Variants in CLOCK observed in about 807,000 individuals in gnomAD.
CLOCK encodes the protein clock circadian regulator, also known as circadian locomoter output cycles protein kaput.
A neutral mutation model predicts 118.4 loss-of-function variants in CLOCK; 43 were observed. The ratio of observed to expected loss-of-function variants is 0.36; its 90% CI spans 0.28 to 0.47. CLOCK has a LOEUF of 0.47. Ranked by LOEUF, CLOCK falls within the 20% of genes least tolerant of loss-of-function variation. The probability of loss-of-function intolerance (pLI) is 1.00; values close to 1 mark genes in which losing one functional copy is unlikely to be tolerated. For missense variants in CLOCK, 846 were observed against 999.9 expected (o/e 0.85, Z 2.08); for synonymous variants, 326 against 339.2 (o/e 0.96, Z 0.43).
At chr4:55,502,151 A>T (rs919959786) in intron 2 of CLOCK, among the ~76,000 whole-genome samples, 24 of 152,206 alleles carry the variant, frequency 1.6e-4, no homozygotes, top group African/African-American at 5.8e-4. Context: ...CTCCAAATTG[A>T]TTTATAAATT....
intron 2 of CLOCK, among the ~76,000 whole-genome samples, chr4:55,508,644 G>C (rs1253317600): frequency 6.6e-6 from 1 of 151,098 alleles, no homozygotes; most frequent in African/African-American, 2.4e-5. Context: ...CCAAGCTGGA[G>C]TGCAGTGGCA....
intron 2 of CLOCK, among the ~76,000 whole-genome samples, chr4:55,499,749 G>A (rs1018489474): frequency 6.6e-6 from 1 of 152,200 alleles, no homozygotes; most frequent in Non-Finnish European, 1.5e-5. Context: ...TCTGGGATTT[G>A]AGCAGTGGTT....
At position 55,463,722 on chromosome 4, in the gene CLOCK, C is replaced by A. The variant is rs1481787301; in HGVS notation, c.522G>T (p.Leu174=). 14 of 1,613,006 alleles carry A rather than the reference C, an allele frequency of 8.7e-6. No homozygotes were observed. The highest frequency in any genetic ancestry group is 1.2e-5 in the Non-Finnish European group (14 of 1,179,296). Residue 174 remains leucine, a synonymous_variant, in exon 9 of 23, where the codon CTG becomes CTT. Coordinates refer to ENST00000513440, the MANE Select transcript of CLOCK (RefSeq NM_004898.4). The stretch of plus-strand genomic sequence containing the variant: ...CTGGGGTTAATGAATCACTTTCCAG[C>A]AGATGAGTAGAGAGTATTTTATAAA... The part of the protein sequence containing the change: ...SEVYKILSTH[L]LESDSLTPEY...
chr4:55,450,795 T>C (rs1724372191), intron 15 of CLOCK, among the ~76,000 whole-genome samples: 1 of 150,758 alleles, frequency 6.6e-6, no homozygotes, highest in African/African-American at 2.4e-5. Flanking sequence ...TAACTCAAAA[T>C]GAATCACAGA....
At chr4:55,487,518 T>C (rs1445416864) in intron 3 of CLOCK, among the ~76,000 whole-genome samples, 4 of 152,182 alleles carry the variant, frequency 2.6e-5, no homozygotes, top group African/African-American at 9.7e-5. Context: ...CCTGGGTTCT[T>C]AACCCTTCTA....
In CLOCK at chr4:55,444,780, C is replaced by T; in HGVS notation, c.1545G>A (p.Gln515=). 6.2e-7 allele frequency: 1 copy of T among 1,613,940 alleles called. No individual in the cohort carries two copies. The highest frequency in any genetic ancestry group is 1.1e-5 in the South Asian group (1 of 91,082). ...LPIPQGMSQF[Q]FSAQLGAMQH... ...GCATGGCTCCTAATTGAGCTGAAAA[C>T]TGAAACTGAAGTACCATGTACGGAA... The change falls in exon 19 of 23, where the codon CAG becomes CAA. Residue 515 remains glutamine (Q), a synonymous_variant. Transcript: ENST00000513440.
At chr4:55,496,282 CTG>C (rs1728079940) in intron 2 of CLOCK, among the ~76,000 whole-genome samples, 1 of 74,672 alleles carries the variant, frequency 1.3e-5, no homozygotes, top group Non-Finnish European at 3.1e-5. Context: ...AAAAAAAAAA[CTG>C]TGCCAGCTCA....
At chr4:55,450,939 T>C (rs564741568) in intron 15 of CLOCK, among the ~76,000 whole-genome samples, 2 of 152,150 alleles carry the variant, frequency 1.3e-5, no homozygotes, top group Admixed American at 6.5e-5. Context: ...TAGAGTTTCA[T>C]AGTTTCATAC....
rs1410289930 is a variant in CLOCK at position 55,498,993 on chromosome 4, G to A, written c.-135-9528C>T. Among the ~76,000 whole-genome samples the A allele has an allele frequency of 2.0e-5, 3 of 152,114 alleles. No individual in the cohort carries two copies. In the South Asian group the frequency reaches 6.2e-4, roughly 32 times the overall value. ...GTTACTGAGCCCATGCAGTACATCTGTATTTCATATATTGTATTTTTCAGC... is the reference window on the plus strand; with the variant it reads ...GTTACTGAGCCCATGCAGTACATCTATATTTCATATATTGTATTTTTCAGC... On this transcript the variant is annotated intron_variant, in intron 2 of 22. Coordinates refer to ENST00000513440, the MANE Select transcript of CLOCK (RefSeq NM_004898.4).
Position 55,516,811 on chromosome 4 carries a change from T to C in CLOCK, c.-289-6746A>G, listed in dbSNP as rs138533588. 2.5e-3 allele frequency among the ~76,000 whole-genome samples: 375 copies of C among 152,296 alleles called. 3 individuals are homozygous for C. Among genetic ancestry groups the C allele is most frequent in the African/African-American group, 8.7e-3 (363 of 41,566 alleles). Reference sequence around the variant, plus strand: ...CTGTTGTAGTTTTACATGATTCTATTTTCCTCTCCTTTCTTGGTATACTTT... The same window carrying C: ...CTGTTGTAGTTTTACATGATTCTATCTTCCTCTCCTTTCTTGGTATACTTT... On this transcript the variant is annotated intron_variant, in intron 1 of 22. Transcript: ENST00000513440.
intron 1 of CLOCK, among the ~76,000 whole-genome samples, chr4:55,541,843 TAAC>T (rs55954931): frequency 0.3 from 45,809 of 151,282 alleles, 7,503 homozygotes; most frequent in East Asian, 0.58. Flanking sequence ...TAAAAGAACA[TAAC>T]AACTCCTTAC....
intron 1 of CLOCK, among the ~76,000 whole-genome samples, chr4:55,519,578 G>A (rs1729730477): frequency 6.6e-6 from 1 of 152,082 alleles, no homozygotes; most frequent in South Asian, 2.1e-4. Context: ...CCTGAGTTGA[G>A]GCATTCGAGA....
chr4:55,458,857 G>A (rs1725104581), intron 11 of CLOCK, 35 bp downstream of exon 11: 2 of 1,485,228 alleles, frequency 1.3e-6, no homozygotes, highest in Non-Finnish European at 1.9e-6. Context: ...CATATGAACT[G>A]AAATCCCCTT....
chr4:55,518,073 A>G (rs546795685), intron 1 of CLOCK, among the ~76,000 whole-genome samples: 1 of 152,200 alleles, frequency 6.6e-6, no homozygotes, highest in East Asian at 1.9e-4. Flanking sequence ...CATAACATAA[A>G]ATATATTTCT....
Position 55,434,991 on chromosome 4 carries a change from T to C in CLOCK, c.*424A>G, listed in dbSNP as rs1722769046. 4.1e-6 allele frequency: 1 copy of C among 241,536 alleles called. No individual in the cohort carries two copies. The highest frequency in any genetic ancestry group is 2.2e-5 in the African/African-American group (1 of 44,650). 15.0% of individuals were successfully genotyped at this position (241,536 alleles called of 1,614,324 possible). A position where few individuals can be genotyped will look rare whatever the true frequency, so the allele number is the denominator to read the frequency against. ...TACCAAGTCTACTGGACTGTCTTCA[T>C]GGCATCACTGTAAGCAAACCCCTGA... On this transcript the variant is annotated 3_prime_UTR_variant, in exon 23 of 23. Coordinates refer to ENST00000513440, the MANE Select transcript of CLOCK (RefSeq NM_004898.4).
chr4:55,452,982 TATTA>T (rs1724601799), intron 15 of CLOCK, 68 bp downstream of exon 15: 4 of 1,043,388 alleles, frequency 3.8e-6, no homozygotes, highest in East Asian at 2.6e-5. Context: ...ATAGTTTTCC[TATTA>T]ATTATTGAGT....
chr4:55,546,426 GC>G (rs1296968115), intron 1 of CLOCK: 1 of 145,052 alleles, frequency 6.9e-6, no homozygotes, highest in Non-Finnish European at 1.5e-5. Context: ...CTTGGCCGCC[GC>G]CCCCCGGCCC....
chr4:55,502,318 T>C (rs532719185), intron 2 of CLOCK, among the ~76,000 whole-genome samples: 91 of 152,304 alleles, frequency 6.0e-4, no homozygotes, highest in African/African-American at 2.1e-3. Flanking sequence ...TCAGATATCA[T>C]GACTTATTAT....
At chr4:55,515,062 AATAG>A (rs1449398168) in intron 1 of CLOCK, among the ~76,000 whole-genome samples, 1 of 152,204 alleles carries the variant, frequency 6.6e-6, no homozygotes, top group African/African-American at 2.4e-5. Context: ...GACTCAATTT[AATAG>A]ATATAGGCCT....
Sources: allele counts gnomAD v4.1 joint callset (sites outside exome capture counted in the v4.1 genomes callset), GRCh38; gene constraint gnomAD v4.1.1; transcripts MANE v1.5; gene names NCBI Gene and HGNC (gene_info 2026-07-23, HGNC 2026-07-21).